Variants in PLEKHA6 observed in about 807,000 individuals in gnomAD.
PLEKHA6 encodes the protein pleckstrin homology domain containing A6.
Under a neutral mutation model 116.7 loss-of-function variants are expected in PLEKHA6, and 60 were observed. That is an observed-to-expected ratio of 0.51 (90% CI 0.42 to 0.64). The LOEUF is 0.64. Among genes scored for constraint, PLEKHA6 ranks in the 30% least tolerant of loss-of-function variants. The probability of loss-of-function intolerance (pLI) is 0.00; values close to 1 mark genes in which losing one functional copy is unlikely to be tolerated. For synonymous variants in PLEKHA6, 489 were observed against 556.1 expected (o/e 0.88, Z 1.70); for missense variants, 1,338 against 1,422.7 (o/e 0.94, Z 0.96).
intron 1 of PLEKHA6, chr1:204,346,711 T>C (rs34421009): frequency 2.7e-6 from 2 of 750,772 alleles, no homozygotes; most frequent in African/African-American, 1.7e-5. Flanking sequence ...CCCAGGGATG[T>C]TCCTTGCTGA....
chr1:204,322,174 T>C (rs1015145644), intron 1 of PLEKHA6, among the ~76,000 whole-genome samples: 4 of 151,596 alleles, frequency 2.6e-5, no homozygotes, highest in African/African-American at 9.7e-5. Context: ...TTAATATCAA[T>C]ACAGAGGCAG....
Position 204,241,744 on chromosome 1 carries a change from A to T in PLEKHA6, c.2243T>A (p.Ile748Asn), listed in dbSNP as rs1379096807. The change falls in exon 16 of 23, where the codon ATC (isoleucine) becomes AAC (asparagine). Residue 748 changes from isoleucine (I) to asparagine (N), a missense_variant. Ile to Asn is a moderately radical substitution (Grantham distance 149). Around this residue, in one of 3 missense-constraint regions of PLEKHA6, gnomAD observed 1,136 missense variants for 1,163.6 expected, o/e 0.98. Transcript: ENST00000272203. Reference protein sequence around the residue: ...QTLPLDTPRDISLVPTRQEVE... With the variant: ...QTLPLDTPRDNSLVPTRQEVE... ...CTCTTGCCTGGTGGGCACAAGGCTG[A>T]TGTCTCTGGGGGTGTCCAGGGGCAA... is the stretch of plus-strand genomic sequence containing the variant. 8 of 1,613,338 alleles carry T rather than the reference A, an allele frequency of 5.0e-6. No individual in the cohort carries two copies. The highest frequency in any genetic ancestry group is 6.8e-6 in the Non-Finnish European group (8 of 1,179,796).
At chr1:204,251,222 G>A (rs1318005100) in intron 9 of PLEKHA6, among the ~76,000 whole-genome samples, 3 of 152,168 alleles carry the variant, frequency 2.0e-5, no homozygotes, top group South Asian at 2.1e-4. Context: ...CCCCAGTGAC[G>A]TCTGTCAAGA....
intron 1 of PLEKHA6, among the ~76,000 whole-genome samples, chr1:204,304,752 A>G (rs1049775414): frequency 6.6e-6 from 1 of 152,212 alleles, no homozygotes; most frequent in Non-Finnish European, 1.5e-5. Flanking sequence ...TTTTAGCTTG[A>G]GCCTAAAAAT....
intron 1 of PLEKHA6, among the ~76,000 whole-genome samples, chr1:204,332,155 T>C (rs1425844770): frequency 6.6e-6 from 1 of 152,212 alleles, no homozygotes. Context: ...TTTGCCGGCA[T>C]GTTGCTGCAG....
chr1:204,320,334 G>A (rs1368136653), intron 1 of PLEKHA6: 1 of 190,176 alleles, frequency 5.3e-6, no homozygotes. Context: ...GGGTGAGCAT[G>A]GGGGGTGCTT....
rs912154854 is a variant in PLEKHA6, at chr1:204,249,363, C to A, written c.1594-99G>T. On this transcript the variant is annotated intron_variant, in intron 10 of 22. Transcript: ENST00000272203. ...AGTTATAGGCCTGGCCTCTGGATAC[C>A]CCCCTCCTTTCTCCTGCTGAGGAAC... 8.1e-6 allele frequency: 7 copies of A among 865,282 alleles called. No homozygotes were observed. In the East Asian group the frequency reaches 9.8e-5, roughly 12 times the overall value. The allele number at this position is 865,282 out of a possible 1,614,324, so 53.6% of individuals were successfully genotyped here.
At chr1:204,273,786 A>C in intron 2 of PLEKHA6, 46 bp from the exon 3 acceptor site, 1 of 1,304,300 alleles carries the variant, frequency 7.7e-7, no homozygotes, top group Non-Finnish European at 1.1e-6. Flanking sequence ...AGATCCAAGA[A>C]ACAATGGAAA....
At position 204,223,677 on chromosome 1, in the gene PLEKHA6, G is replaced by T; in HGVS notation, c.3032-92C>A. ...AAGCGAGGCCCTCCCCAGGCAGGGA[G>T]TGAGGCAGGGAGGCAAGCGAAGAGA... On this transcript the variant is annotated intron_variant, in intron 21 of 22. Transcript: ENST00000272203. This position sits in a 1 kb window ranked among gnomAD's most constrained non-coding sequence, Gnocchi z 4.8. The T allele has an allele frequency of 1.5e-6, 1 of 649,264 alleles. No homozygotes were observed. 40.2% of individuals were successfully genotyped at this position (649,264 alleles called of 1,614,324 possible).
intron 1 of PLEKHA6, among the ~76,000 whole-genome samples, chr1:204,286,177 G>A (rs1433554266): frequency 1.3e-5 from 2 of 152,168 alleles, no homozygotes; most frequent in South Asian, 2.1e-4. Context: ...ACTGATAACC[G>A]GGGCTTACAG....
rs193015917 is a variant in PLEKHA6, at chr1:204,267,277, T to C, written c.280+198A>G. ...CTAGCAAGCATTGTTGAATGTGAAC[T>C]GAATGGGTGAGTAAGTGAGTGTGTG... On this transcript the variant is annotated intron_variant, in intron 5 of 22. Transcript: ENST00000272203. Among the ~76,000 whole-genome samples the C allele has an allele frequency of 2.7e-4, 41 of 152,316 alleles. No homozygotes were observed. The East Asian group carries it at 7.7e-3, about 29-fold the overall frequency.
At chr1:204,336,891 C>T (rs146915696) in intron 1 of PLEKHA6, among the ~76,000 whole-genome samples, 4 of 152,328 alleles carry the variant, frequency 2.6e-5, no homozygotes, top group African/African-American at 9.6e-5. Flanking sequence ...TCTAAAGAGG[C>T]CTCCTCCAAG....
At chr1:204,250,746 A>G (rs1399530993) in intron 9 of PLEKHA6, 132 bp from the exon 10 acceptor site, 3 of 723,332 alleles carry the variant, frequency 4.1e-6, no homozygotes, top group East Asian at 5.1e-5. Context: ...CTTCTGTTCC[A>G]GGGACCTGAG....
intron 1 of PLEKHA6, among the ~76,000 whole-genome samples, chr1:204,285,483 T>C (rs1669059373): frequency 2.5e-5 from 3 of 122,128 alleles, no homozygotes. Context: ...GTTTTTGTTT[T>C]TGTTTTTTTT....
intron 7 of PLEKHA6, among the ~76,000 whole-genome samples, chr1:204,260,130 C>T (rs1001725670): frequency 6.6e-6 from 1 of 152,180 alleles, no homozygotes; most frequent in African/African-American, 2.4e-5. Flanking sequence ...ACTGGGTTTG[C>T]ACTCACATCA....
chr1:204,347,147 C>T, intron 1 of PLEKHA6: 1 of 1,121,458 alleles, frequency 8.9e-7, no homozygotes, highest in Non-Finnish European at 1.3e-6. Flanking sequence ...TCTACAATAT[C>T]ACCTTTCTTA....
intron 1 of PLEKHA6, among the ~76,000 whole-genome samples, chr1:204,375,464 G>A (rs565173017): frequency 3.9e-5 from 6 of 152,204 alleles, no homozygotes; most frequent in Middle Eastern, 6.8e-3. Flanking sequence ...GAATATTCCT[G>A]ATTTGGTTCC....
At chr1:204,250,142 C>T (rs184313991) in intron 10 of PLEKHA6, among the ~76,000 whole-genome samples, 112 of 152,332 alleles carry the variant, frequency 7.4e-4, no homozygotes, top group African/African-American at 2.2e-3. Flanking sequence ...GGGGCATAGC[C>T]GTATTCTCCT....
chr1:204,248,586 A>T (rs575287183), intron 12 of PLEKHA6, among the ~76,000 whole-genome samples: 1 of 152,250 alleles, frequency 6.6e-6, no homozygotes, highest in Non-Finnish European at 1.5e-5. Context: ...AGGTACAGGT[A>T]TAGTTTGTGG....
Sources: gnomAD v4.1 joint callset for allele counts (sites outside exome capture counted in the v4.1 genomes callset) on GRCh38, gnomAD v4.1.1 for gene constraint, gnomAD v4.1.1 regional missense constraint, Gnocchi (gnomAD v3.1) non-coding constraint, MANE v1.5 for transcripts, NCBI Gene and HGNC (gene_info 2026-07-23, HGNC 2026-07-21) for gene names.